Variants in REPS1 observed in about 807,000 individuals in gnomAD.
REPS1 encodes the protein RALBP1 associated Eps domain containing 1.
A neutral mutation model predicts 100.9 loss-of-function variants in REPS1; 39 were observed. That is an observed-to-expected ratio of 0.39 (90% CI 0.30 to 0.50). The LOEUF is 0.50. REPS1 is among the 20% of genes least tolerant of loss of function. The pLI, the probability that REPS1 is intolerant of heterozygous loss-of-function variation, is 0.86. For missense variants in REPS1, 821 were observed against 968.5 expected, an observed-to-expected ratio of 0.85 and a Z score of 2.02; for synonymous variants, 324 against 340.3, an observed-to-expected ratio of 0.95 and a Z score of 0.53.
At chr6:138,976,962 G>C (rs1176525049) in intron 1 of REPS1, among the ~76,000 whole-genome samples, 1 of 152,186 alleles carries the variant, frequency 6.6e-6, no homozygotes, top group Non-Finnish European at 1.5e-5. Context: ...TTATGCTGAA[G>C]TTTTGTAATT....
chr6:138,912,905 T>C lies in REPS1; in HGVS notation c.1831A>G (p.Ile611Val), dbSNP rs202229416. 9.7e-5 allele frequency: 156 copies of C among 1,614,118 alleles called. No individual in the cohort carries two copies. The highest frequency in any genetic ancestry group is 1.8e-4 in the Admixed American group (11 of 60,006). Reference protein sequence around the residue: ...VHRPVDADGLITHTSTSPQQI... With the variant: ...VHRPVDADGLVTHTSTSPQQI... ...TGAGGTGAGGTACTAGTGTGAGTTA[T>C]GAGGCCATCGGCATCCACTGGGCGA... Residue 611 changes from isoleucine to valine, a missense_variant, in exon 16 of 20, where the codon ATA becomes GTA. Around this residue, in one of 3 missense-constraint regions of REPS1, gnomAD observed 757 missense variants for 866.4 expected, o/e 0.87. Coordinates refer to ENST00000450536, the MANE Select transcript of REPS1 (RefSeq NM_001286611.2).
intron 1 of REPS1, among the ~76,000 whole-genome samples, chr6:138,986,700 G>GA (rs1785276480): frequency 1.3e-5 from 2 of 152,158 alleles, no homozygotes; most frequent in African/African-American, 2.4e-5. Flanking sequence ...TAGCAGCTAT[G>GA]AATCATTAAA....
chr6:138,928,321 A>G (rs1052408084), intron 9 of REPS1: 1 of 152,220 alleles, frequency 6.6e-6, no homozygotes, highest in East Asian at 1.9e-4. Flanking sequence ...CATCTCCTAT[A>G]CTGTCTTATC....
rs768462123 is a variant in REPS1, at chr6:138,908,773, C to G, written c.2111G>C (p.Arg704Pro). 6.2e-7 allele frequency: 1 copy of G among 1,614,128 alleles called. No individual in the cohort carries two copies. The highest frequency in any genetic ancestry group is 1.7e-5 in the Admixed American group (1 of 60,012). The change falls in exon 18 of 20, where the codon CGA becomes CCA. Residue 704 changes from arginine (R) to proline (P), a missense_variant. This residue lies in a region of REPS1 where 757 missense variants were observed against 866.4 expected (regional missense o/e 0.87). Transcript: ENST00000450536. Reference sequence around the variant, plus strand: ...TTCATCTTCTGATTTTAATCTTCTTCGAACAGGTTTAGGTGGTGGAGCAAG... The same window carrying G: ...TTCATCTTCTGATTTTAATCTTCTTGGAACAGGTTTAGGTGGTGGAGCAAG... ...TPLAPPPKPVRRRLKSEDELR... is the reference protein window; with the variant it reads ...TPLAPPPKPVPRRLKSEDELR...
chr6:138,935,130 C>T (rs897483898), intron 8 of REPS1, among the ~76,000 whole-genome samples: 2 of 152,060 alleles, frequency 1.3e-5, no homozygotes, highest in African/African-American at 4.8e-5. Flanking sequence ...AGTAAGCAGA[C>T]CTTATGAGGG....
chr6:138,968,301 T>C (rs1379490902), intron 1 of REPS1, among the ~76,000 whole-genome samples: 1 of 152,190 alleles, frequency 6.6e-6, no homozygotes. Context: ...AAAGTGACAA[T>C]GATGAAAAAG....
chr6:138,949,848 G>GT (rs1782897924), intron 1 of REPS1, among the ~76,000 whole-genome samples: 1 of 152,180 alleles, frequency 6.6e-6, no homozygotes. Flanking sequence ...GAGTGTAGCT[G>GT]TAAGTGTGTG....
chr6:138,941,238 T>C (rs1243003405), intron 8 of REPS1, 97 bp downstream of exon 8: 2 of 1,290,626 alleles, frequency 1.5e-6, no homozygotes, highest in Admixed American at 4.0e-5. Context: ...ATCTAAGCTA[T>C]TAAGCTAAGG....
intron 12 of REPS1, among the ~76,000 whole-genome samples, chr6:138,918,463 T>C (rs1327631461): frequency 1.3e-5 from 2 of 152,184 alleles, no homozygotes; most frequent in East Asian, 3.8e-4. Flanking sequence ...TCACATTAGA[T>C]ACAAACATAA....
intron 1 of REPS1, among the ~76,000 whole-genome samples, chr6:138,955,505 A>T (rs889584182): frequency 1.4e-5 from 2 of 140,878 alleles, no homozygotes; most frequent in Non-Finnish European, 3.1e-5. Context: ...ACAGTCAAGT[A>T]CTAAAAACTA....
At chr6:138,979,508 G>T (rs924885197) in intron 1 of REPS1, among the ~76,000 whole-genome samples, 18 of 151,562 alleles carry the variant, frequency 1.2e-4, no homozygotes, top group Non-Finnish European at 1.9e-4. Flanking sequence ...CTCAAATCTG[G>T]CATCCATCTA....
chr6:138,979,180 C>T (rs866785181), intron 1 of REPS1, among the ~76,000 whole-genome samples: 2 of 59,334 alleles, frequency 3.4e-5, no homozygotes, highest in African/African-American at 1.7e-4. Flanking sequence ...GAATCCATCA[C>T]AAAAAAAAAA....
chr6:138,976,191 T>C lies in REPS1; in HGVS notation c.153+11339A>G, dbSNP rs554649814. 2.0e-5 allele frequency among the ~76,000 whole-genome samples: 3 copies of C among 152,338 alleles called. No individual in the cohort carries two copies. In the South Asian group the frequency reaches 6.2e-4, roughly 32 times the overall value. On this transcript the variant is annotated intron_variant, in intron 1 of 19. Coordinates refer to ENST00000450536, the MANE Select transcript of REPS1 (RefSeq NM_001286611.2). Reference sequence around the variant, plus strand: ...ATGAGACACCAAAAAAAAACTAGTATACTCTTAGTTTCCAGACAATGATTT... The same window carrying C: ...ATGAGACACCAAAAAAAAACTAGTACACTCTTAGTTTCCAGACAATGATTT...
At chr6:138,941,518 T>C (rs1782246748) in intron 7 of REPS1, 29 bp from the exon 8 acceptor site, 1 of 1,597,510 alleles carries the variant, frequency 6.3e-7, no homozygotes, top group Admixed American at 1.7e-5. Context: ...GTGAATATAA[T>C]CACATTCCGC....
chr6:138,912,712 T>G, intron 16 of REPS1, 53 bp downstream of exon 16: 2 of 1,515,338 alleles, frequency 1.3e-6, no homozygotes, highest in Non-Finnish European at 1.8e-6. Context: ...TGACACAACA[T>G]GGTATGGGAA....
chr6:138,926,763 G>A (rs1781152926), intron 9 of REPS1: 1 of 269,622 alleles, frequency 3.7e-6, no homozygotes, highest in Non-Finnish European at 7.1e-6. Flanking sequence ...ACACAATACA[G>A]GAGCAAAGTC....
chr6:138,913,016 T>G (rs2084571376), intron 15 of REPS1, 66 bp from the exon 16 acceptor site: 2 of 1,368,456 alleles, frequency 1.5e-6, no homozygotes, highest in Non-Finnish European at 2.0e-6. Flanking sequence ...AGAGTCATCT[T>G]CTTCTTCTTC....
At chr6:138,969,116 T>C (rs558624123) in intron 1 of REPS1, among the ~76,000 whole-genome samples, 1 of 152,028 alleles carries the variant, frequency 6.6e-6, no homozygotes, top group Non-Finnish European at 1.5e-5. Flanking sequence ...TATAGAAACA[T>C]CTCATCAAAA....
At chr6:138,934,111 C>G in intron 8 of REPS1, 1 of 233,826 alleles carries the variant, frequency 4.3e-6, no homozygotes, top group South Asian at 4.8e-5. Context: ...TAAACTGTAC[C>G]TCCTTCAACT....
Sources: allele counts gnomAD v4.1 joint callset (sites outside exome capture counted in the v4.1 genomes callset), GRCh38; gene constraint gnomAD v4.1.1; regional missense constraint gnomAD v4.1.1; transcripts MANE v1.5; gene names NCBI Gene and HGNC (gene_info 2026-07-23, HGNC 2026-07-21).